The following UNC45B variants were observed in gnomAD, a reference collection of about 807,000 sequenced individuals.
UNC45B encodes the protein unc-45 myosin chaperone B, also known as protein unc-45 homolog B.
A neutral mutation model predicts 98.7 loss-of-function variants in UNC45B; 78 were observed. The observed-to-expected ratio is 0.79, with a 90% CI of 0.66 to 0.95. The LOEUF (loss-of-function observed/expected upper bound fraction) is 0.95. Among genes scored for constraint, UNC45B ranks in the 40% least tolerant of loss-of-function variants. The pLI is 0.00. For missense variants in UNC45B, 1,225 were observed against 1,184.9 expected, an observed-to-expected ratio of 1.03 and a Z score of -0.50; for synonymous variants, 462 against 480.4, an observed-to-expected ratio of 0.96 and a Z score of 0.50.
At chr17:35,148,091 T>G (rs942801806) in intron 1 of UNC45B, among the ~76,000 whole-genome samples, 173 bp from the exon 2 acceptor site, 2 of 152,076 alleles carry the variant, frequency 1.3e-5, no homozygotes, top group African/African-American at 4.8e-5. Flanking sequence ...AATGCTATAA[T>G]GTCCTCATGG....
Position 35,164,135 on chromosome 17 carries a change from C to T in UNC45B, c.1120C>T (p.His374Tyr). The T allele has an allele frequency of 6.2e-7, 1 of 1,613,430 alleles. No homozygotes were observed. Among genetic ancestry groups the T allele is most frequent in the Non-Finnish European group, 8.5e-7 (1 of 1,179,690 alleles). The stretch of plus-strand genomic sequence containing the variant: ...CCTGCGCTGTGACCCGGAGCGCGAT[C>T]ACTTCCGCAAGATCTGTGAGGAATA... Reference protein sequence around the residue: ...DDLRCDPERDHFRKICEEYIT... With the variant: ...DDLRCDPERDYFRKICEEYIT... Residue 374 changes from histidine to tyrosine, a missense_variant, in exon 9 of 20, where the codon CAC becomes TAC. Physicochemically the swap from His to Tyr is moderately conservative, Grantham distance 83 (BLOSUM62 2). Coordinates refer to ENST00000394570, the MANE Select transcript of UNC45B (RefSeq NM_001267052.2).
At chr17:35,157,834 T>C (rs1226417748) in intron 7 of UNC45B, among the ~76,000 whole-genome samples, 2 of 152,222 alleles carry the variant, frequency 1.3e-5, no homozygotes, top group Non-Finnish European at 2.9e-5. Flanking sequence ...GTTCATGTTG[T>C]TACCTATTTC....
At chr17:35,168,437 G>A in intron 10 of UNC45B, 76 bp downstream of exon 10, 1 of 1,248,536 alleles carries the variant, frequency 8.0e-7, no homozygotes, top group Non-Finnish European at 1.0e-6. Flanking sequence ...AAATGAATGA[G>A]TTGAGGCTGC....
chr17:35,175,820 C>T, intron 14 of UNC45B, 148 bp from the exon 15 acceptor site: 1 of 694,196 alleles, frequency 1.4e-6, no homozygotes, highest in Non-Finnish European at 2.5e-6. Context: ...GTGGTTAATT[C>T]TGGGGCACAG....
chr17:35,154,809 T>C, intron 6 of UNC45B, 68 bp downstream of exon 6: 2 of 1,464,316 alleles, frequency 1.4e-6, no homozygotes, highest in Non-Finnish European at 1.8e-6. Flanking sequence ...GGGTGACGTG[T>C]GGTCAGGGCT....
intron 8 of UNC45B, among the ~76,000 whole-genome samples, chr17:35,162,526 G>A (rs1050106551): frequency 6.6e-6 from 1 of 152,062 alleles, no homozygotes; most frequent in Non-Finnish European, 1.5e-5. Context: ...GGGCTCAAGT[G>A]GTCCTCCCAC....
At chr17:35,180,289 A>AGAGAG (rs57021893) in intron 17 of UNC45B, among the ~76,000 whole-genome samples, 7 of 147,178 alleles carry the variant, frequency 4.8e-5, no homozygotes, top group South Asian at 2.2e-4. Flanking sequence ...AGAGAGAGAG[A>AGAGAG]ATTTCTTTAC....
chr17:35,166,028 A>C (rs892968192), intron 9 of UNC45B, among the ~76,000 whole-genome samples: 1 of 143,720 alleles, frequency 7.0e-6, no homozygotes, highest in African/African-American at 2.5e-5. Flanking sequence ...ATGTGGGAGA[A>C]TTGCCTGAGA....
intron 17 of UNC45B, among the ~76,000 whole-genome samples, chr17:35,177,849 TTTCTC>T (rs996646092): frequency 8.6e-5 from 13 of 151,750 alleles, no homozygotes; most frequent in Admixed American, 1.3e-4. Context: ...TGTCTTTTCT[TTTCTC>T]TTCTCTTCTC....
At chr17:35,184,413 G>A (rs987916324) in intron 19 of UNC45B, among the ~76,000 whole-genome samples, 6 of 152,198 alleles carry the variant, frequency 3.9e-5, no homozygotes, top group Non-Finnish European at 8.8e-5. Flanking sequence ...TTCTGATTTA[G>A]TAGATTGGGG....
Position 35,186,456 on chromosome 17 carries a change from T to C in UNC45B, c.2687T>C (p.Val896Ala). ...GAGCTGCTGGAGATCCTGACTGTGGTGGGCAAACAGGAGCCAGATGAGAAG... is the reference window on the plus strand; with the variant it reads ...GAGCTGCTGGAGATCCTGACTGTGGCGGGCAAACAGGAGCCAGATGAGAAG... ...ESELLEILTV[V>A]GKQEPDEKKA... The change falls in exon 20 of 20, where the codon GTG (valine) becomes GCG (alanine). Residue 896 changes from valine (V) to alanine (A), a missense_variant. Physicochemically the swap from Val to Ala is moderately conservative, Grantham distance 64 (BLOSUM62 0). Transcript: ENST00000394570. 1 of 1,614,158 alleles carries C rather than the reference T, an allele frequency of 6.2e-7. No individual in the cohort carries two copies. Among genetic ancestry groups the C allele is most frequent in the Non-Finnish European group, 8.5e-7 (1 of 1,180,024 alleles).
At chr17:35,178,134 A>G (rs1434868856) in intron 17 of UNC45B, among the ~76,000 whole-genome samples, 1 of 152,164 alleles carries the variant, frequency 6.6e-6, no homozygotes, top group African/African-American at 2.4e-5. Flanking sequence ...TCGTGACCTC[A>G]GGTGATCTGC....
rs1240760382 is a variant in UNC45B, at chr17:35,187,698, T to G, written c.*1139T>G. 1 of 152,226 alleles carries G rather than the reference T, an allele frequency of 6.6e-6. No homozygotes were observed. Among genetic ancestry groups the G allele is most frequent in the Non-Finnish European group, 1.5e-5 (1 of 68,038 alleles). 9.4% of individuals were successfully genotyped at this position (152,226 alleles called of 1,614,324 possible). On this transcript the variant is annotated 3_prime_UTR_variant, in exon 20 of 20. Transcript: ENST00000394570. The stretch of plus-strand genomic sequence containing the variant: ...AGAGGTGTGCCACCACAAAAGAATG[T>G]ACCCTGGGCAGATCAAAGAACATAT...
chr17:35,178,097 C>T (rs886643949), intron 17 of UNC45B, among the ~76,000 whole-genome samples: 9 of 152,018 alleles, frequency 5.9e-5, no homozygotes, highest in African/African-American at 2.2e-4. Flanking sequence ...ACAGGGTTTC[C>T]CCATGTTGGC....
At chr17:35,154,388 A>G (rs1205793558) in intron 5 of UNC45B, among the ~76,000 whole-genome samples, 186 bp from the exon 6 acceptor site, 1 of 152,130 alleles carries the variant, frequency 6.6e-6, no homozygotes, top group Non-Finnish European at 1.5e-5. Flanking sequence ...GATGCAAATT[A>G]CTTGGCTTTT....
At chr17:35,185,585 C>T (rs2092298957) in intron 19 of UNC45B, among the ~76,000 whole-genome samples, 1 of 152,138 alleles carries the variant, frequency 6.6e-6, no homozygotes, top group African/African-American at 2.4e-5. Flanking sequence ...GGATTACAGG[C>T]ATGAGCCACC....
rs78999742 is a variant in UNC45B, at chr17:35,164,980, T to C, written c.1151+814T>C. On this transcript the variant is annotated intron_variant, in intron 9 of 19. Transcript: ENST00000394570. ...GCCTGCTGGGCTCAAGCGATCCTCC[T>C]GCCTCTGCCTCAGCCTCCCAAGTAG... Among the ~76,000 whole-genome samples the C allele has an allele frequency of 1.1e-3, 170 of 152,172 alleles. 2 individuals carry two copies. In the East Asian group the frequency reaches 0.029, roughly 26 times the overall value.
In UNC45B at chr17:35,186,493, G is replaced by T; in HGVS notation, c.2724G>T (p.Val908=). 1 of 1,614,216 alleles carries T rather than the reference G, an allele frequency of 6.2e-7. No homozygotes were observed. The highest frequency in any genetic ancestry group is 8.5e-7 in the Non-Finnish European group (1 of 1,180,028). The stretch of plus-strand genomic sequence containing the variant: ...AGCCAGATGAGAAGAAGGCAGAAGT[G>T]GTTCAGACAGCCCGAGAATGTCTCA... The part of the protein sequence containing the change: ...KQEPDEKKAE[V]VQTARECLIK... The change falls in exon 20 of 20, where the codon GTG becomes GTT. Residue 908 remains valine (V), a synonymous_variant. Transcript: ENST00000394570.
At chr17:35,183,637 A>C (rs8074705) in intron 19 of UNC45B, 55 bp downstream of exon 19, 1 of 1,429,820 alleles carries the variant, frequency 7.0e-7, no homozygotes, top group Non-Finnish European at 9.2e-7. Context: ...GAATCTCCCC[A>C]CCCACAGACC....
Sources: allele counts gnomAD v4.1 joint callset (sites outside exome capture counted in the v4.1 genomes callset), GRCh38; gene constraint gnomAD v4.1.1; transcripts MANE v1.5; gene names NCBI Gene and HGNC (gene_info 2026-07-23, HGNC 2026-07-21).